The following PRELID3A variants were observed in gnomAD, a reference collection of about 807,000 sequenced individuals.
PRELID3A encodes PRELI domain containing protein 3A.
A neutral mutation model predicts 23.0 loss-of-function variants in PRELID3A; 27 were observed. The observed-to-expected ratio is 1.17, with a 90% CI of 0.87 to 1.62. The LOEUF is 1.62. Among genes scored for constraint, PRELID3A ranks in the 40% most tolerant of loss-of-function variants. PRELID3A has a pLI of 0.00. For missense variants in PRELID3A, 231 were observed against 231.4 expected (o/e 1.00, Z 0.01); for synonymous variants, 87 against 86.4 (o/e 1.01, Z -0.04).
chr18:12,421,228 C>T (rs2030171237), intron 2 of PRELID3A: 1 of 336,490 alleles, frequency 3.0e-6, no homozygotes, highest in Non-Finnish European at 5.4e-6. Context: ...GTGGTACCTT[C>T]CTCTTTGGGG....
At chr18:12,408,396 G>A (rs973677427) in intron 1 of PRELID3A, among the ~76,000 whole-genome samples, 17 of 152,032 alleles carry the variant, frequency 1.1e-4, no homozygotes, top group Non-Finnish European at 2.2e-4. Flanking sequence ...CGGGAGCAGG[G>A]CAGGGGAGAG....
chr18:12,413,094 A>C (rs1909969289), intron 1 of PRELID3A, among the ~76,000 whole-genome samples: 1 of 152,184 alleles, frequency 6.6e-6, no homozygotes, highest in Non-Finnish European at 1.5e-5. Context: ...AGTCTTTTTA[A>C]GTAATTATGG....
chr18:12,431,869 TG>T lies in PRELID3A; in HGVS notation c.*754del, dbSNP rs1270095350. ...AGGCTGGAGGCCCTGCCTCGCTGCT[TG>T]CCAGCCTCACCTGCTGGGGCTGGAG... On this transcript the variant is annotated 3_prime_UTR_variant, in exon 7 of 7. Coordinates refer to ENST00000440960, the MANE Select transcript of PRELID3A (RefSeq NM_001142405.2). The T allele has an allele frequency of 6.6e-6, 1 of 152,218 alleles. No individual in the cohort carries two copies. The highest frequency in any genetic ancestry group is 1.5e-5 in the Non-Finnish European group (1 of 68,078). 9.4% of individuals were successfully genotyped at this position (152,218 alleles called of 1,614,324 possible).
At chr18:12,424,413 A>G (rs2030291543) in intron 3 of PRELID3A, among the ~76,000 whole-genome samples, 1 of 152,234 alleles carries the variant, frequency 6.6e-6, no homozygotes, top group Admixed American at 6.5e-5. Flanking sequence ...AAAAGAAAAG[A>G]ACAAACCTCA....
At chr18:12,422,215 T>TA (rs34578154) in intron 3 of PRELID3A, 14 of 142,836 alleles carry the variant, frequency 9.8e-5, no homozygotes, top group South Asian at 2.2e-4. Context: ...TTTTTTTTTT[T>TA]AATTTTTGAG....
At chr18:12,430,080 A>G (rs927710939) in intron 6 of PRELID3A, among the ~76,000 whole-genome samples, 1 of 152,210 alleles carries the variant, frequency 6.6e-6, no homozygotes, top group Non-Finnish European at 1.5e-5. Context: ...GCTCGTCCCC[A>G]TCTGTCCCCC....
At chr18:12,414,327 C>T (rs12455948) in intron 1 of PRELID3A, among the ~76,000 whole-genome samples, 56,428 of 152,130 alleles carry the variant, frequency 0.37, 12,345 homozygotes, top group Middle Eastern at 0.57. Flanking sequence ...GTGAGGACTG[C>T]GGTGACCACA....
chr18:12,429,609 T>C (rs894903559), intron 6 of PRELID3A, among the ~76,000 whole-genome samples, 173 bp downstream of exon 6: 1 of 152,200 alleles, frequency 6.6e-6, no homozygotes, highest in African/African-American at 2.4e-5. Context: ...CTCTTTCTAT[T>C]TCATTCCTTG....
chr18:12,423,189 G>A (rs2030246515), intron 3 of PRELID3A, among the ~76,000 whole-genome samples: 1 of 152,220 alleles, frequency 6.6e-6, no homozygotes, highest in African/African-American at 2.4e-5. Flanking sequence ...AGACTAAGAG[G>A]GGAAGGTGGT....
At chr18:12,409,598 G>T (rs1453180055) in intron 1 of PRELID3A, among the ~76,000 whole-genome samples, 1 of 152,114 alleles carries the variant, frequency 6.6e-6, no homozygotes, top group South Asian at 2.1e-4. Flanking sequence ...TCTCAAGTGG[G>T]TTTCCATCAG....
intron 2 of PRELID3A, 97 bp from the exon 3 acceptor site, chr18:12,421,443 T>A (rs3906620): frequency 0.7 from 563,396 of 805,514 alleles, 199,609 homozygotes; most frequent in East Asian, 0.99. Context: ...TATCATTTCT[T>A]GAATAGTGAA....
At chr18:12,414,618 C>T (rs1217558419) in intron 1 of PRELID3A, among the ~76,000 whole-genome samples, 3 of 152,016 alleles carry the variant, frequency 2.0e-5, no homozygotes, top group Non-Finnish European at 2.9e-5. Context: ...CCTAGCTACT[C>T]GGGAAGCTGA....
intron 2 of PRELID3A, 100 bp downstream of exon 2, chr18:12,420,593 GCTTTGGCTGC>G (rs2030139395): frequency 1.6e-6 from 2 of 1,264,496 alleles, no homozygotes; most frequent in East Asian, 5.8e-5. Context: ...TGCCTCTGCT[GCTTTGGCTGC>G]CATCGGGGTG....
At chr18:12,429,038 C>T (rs1225499560) in intron 5 of PRELID3A, among the ~76,000 whole-genome samples, 1 of 152,124 alleles carries the variant, frequency 6.6e-6, no homozygotes, top group African/African-American at 2.4e-5. Context: ...GAGGTGTCAC[C>T]CTGGGCTTTC....
intron 1 of PRELID3A, among the ~76,000 whole-genome samples, chr18:12,412,977 T>C (rs540496385): frequency 6.6e-6 from 1 of 152,358 alleles, no homozygotes; most frequent in South Asian, 2.1e-4. Flanking sequence ...GATTCTCATA[T>C]CTGCTTCTGC....
intron 3 of PRELID3A, among the ~76,000 whole-genome samples, chr18:12,425,208 T>G (rs918911847): frequency 2.6e-5 from 4 of 152,078 alleles, no homozygotes; most frequent in Non-Finnish European, 5.9e-5. Context: ...ACATTTCAGG[T>G]GTGCATTAGC....
chr18:12,429,769 C>T (rs1190880085), intron 6 of PRELID3A, among the ~76,000 whole-genome samples: 1 of 152,234 alleles, frequency 6.6e-6, no homozygotes, highest in East Asian at 1.9e-4. Flanking sequence ...GTGGCCAGGC[C>T]TGTCCTGACA....
intron 3 of PRELID3A, 60 bp downstream of exon 3, chr18:12,421,689 C>A: frequency 8.8e-7 from 1 of 1,137,898 alleles, no homozygotes; most frequent in Non-Finnish European, 1.3e-6. Context: ...GTGCGTAAGG[C>A]CTTCGTTTAA....
At chr18:12,409,317 C>A (rs1375831440) in intron 1 of PRELID3A, among the ~76,000 whole-genome samples, 2 of 151,734 alleles carry the variant, frequency 1.3e-5, no homozygotes, top group African/African-American at 2.4e-5. Flanking sequence ...CAGGTGTGGG[C>A]CATCACGCCC....
Sources: allele counts gnomAD v4.1 joint callset (sites outside exome capture counted in the v4.1 genomes callset), GRCh38; gene constraint gnomAD v4.1.1; transcripts MANE v1.5; gene names NCBI Gene and HGNC (gene_info 2026-07-23, HGNC 2026-07-21).